NUDT16: variants seen among roughly 807,000 people sequenced by gnomAD.
The protein encoded by NUDT16 is nudix hydrolase 16, also known as U8 snoRNA-decapping enzyme.
A neutral mutation model predicts 11.7 loss-of-function variants in NUDT16; 12 were observed. The ratio of observed to expected loss-of-function variants is 1.03; its 90% CI spans 0.66 to 1.67. NUDT16 has a LOEUF of 1.67. NUDT16 is among the 40% of genes most tolerant of loss of function. The pLI is 0.00. For synonymous variants in NUDT16, 129 were observed against 122.6 expected, an observed-to-expected ratio of 1.05 and a Z score of -0.35; for missense variants, 303 against 268.9, an observed-to-expected ratio of 1.13 and a Z score of -0.89.
rs751998815 is a variant in NUDT16 at position 131,382,185 on chromosome 3, C to G, written c.278C>G (p.Thr93Ser). The change falls in exon 2 of 3, where the codon ACT becomes AGT. Residue 93 changes from threonine (T) to serine (S), a missense_variant. By Grantham distance (58) the Thr-to-Ser change is moderately conservative. Coordinates refer to ENST00000521288, the MANE Select transcript of NUDT16 (RefSeq NM_152395.3). ...EAAAAFRVER[T>S]DYRSSHVGSG... is the part of the protein sequence containing the mutation. ...GCTGCCGCTTTCCGCGTGGAGCGCACTGACTACCGCAGCTCCCACGTCGGG... is the reference window on the plus strand; with the variant it reads ...GCTGCCGCTTTCCGCGTGGAGCGCAGTGACTACCGCAGCTCCCACGTCGGG... 1 of 1,611,900 alleles carries G rather than the reference C, an allele frequency of 6.2e-7. No individual in the cohort carries two copies. The highest frequency in any genetic ancestry group is 1.3e-5 in the African/African-American group (1 of 74,932).
chr3:131,382,001 C>G (rs1380597759), intron 1 of NUDT16, 45 bp from the exon 2 acceptor site: 1 of 1,588,144 alleles, frequency 6.3e-7, no homozygotes, highest in East Asian at 2.2e-5. Flanking sequence ...CTCTGGTGGT[C>G]TCCTCTGGGG....
Position 131,387,692 on chromosome 3 carries a change from C to A in NUDT16, c.*4351C>A, listed in dbSNP as rs1324157337. 6.6e-6 allele frequency: 1 copy of A among 152,406 alleles called. No homozygotes were observed. Among genetic ancestry groups the A allele is most frequent in the African/African-American group, 2.4e-5 (1 of 41,448 alleles). 9.4% of individuals were successfully genotyped at this position (152,406 alleles called of 1,614,324 possible). On this transcript the variant is annotated 3_prime_UTR_variant, in exon 3 of 3. Coordinates refer to ENST00000521288, the MANE Select transcript of NUDT16 (RefSeq NM_152395.3). Reference sequence around the variant, plus strand: ...GAAAGCTCCTGGACTCAGCCAAGACCCTCACCTACAGTCCCAGTCCTCCCA... The same window carrying A: ...GAAAGCTCCTGGACTCAGCCAAGACACTCACCTACAGTCCCAGTCCTCCCA...
rs913069718 is a variant in NUDT16, at chr3:131,387,904, A to C, written c.*4563A>C. Reference sequence around the variant, plus strand: ...AATTGATTTAAGTAAACAGCAAGTAACATAGGTCTGTTAAATAGAAGAGGA... The same window carrying C: ...AATTGATTTAAGTAAACAGCAAGTACCATAGGTCTGTTAAATAGAAGAGGA... On this transcript the variant is annotated 3_prime_UTR_variant, in exon 3 of 3. Coordinates refer to ENST00000521288, the MANE Select transcript of NUDT16 (RefSeq NM_152395.3). The C allele has an allele frequency of 6.6e-6, 1 of 152,238 alleles. No individual in the cohort carries two copies. Among genetic ancestry groups the C allele is most frequent in the Non-Finnish European group, 1.5e-5 (1 of 68,048 alleles). 9.4% of individuals were successfully genotyped at this position (152,238 alleles called of 1,614,324 possible). A position where few individuals can be genotyped will look rare whatever the true frequency, so the allele number is the denominator to read the frequency against.
rs972195380 is a variant in NUDT16, at chr3:131,385,412, G to C, written c.*2071G>C. The C allele has an allele frequency of 6.6e-6, 1 of 152,542 alleles. No individual in the cohort carries two copies. The highest frequency in any genetic ancestry group is 1.5e-5 in the Non-Finnish European group (1 of 68,152). The allele number at this position is 152,542 out of a possible 1,614,324, so 9.4% of individuals were successfully genotyped here. On this transcript the variant is annotated 3_prime_UTR_variant, in exon 3 of 3. Coordinates refer to ENST00000521288, the MANE Select transcript of NUDT16 (RefSeq NM_152395.3). ...GTGCTGAAGCAAGAAACCGACAGAT[G>C]TTGAGGAGAATGGTGTGACCTAGGA...
At chr3:131,382,789 A>T in intron 2 of NUDT16, 600 of 973,016 alleles carry the variant, frequency 6.2e-4, no homozygotes, top group Middle Eastern at 1.0e-3. Context: ...GCATTCCTGC[A>T]TTGGTGGTGG....
rs1022895868 is a variant in NUDT16, at chr3:131,386,260, G to C, written c.*2919G>C. ...GACAGTCTCTGGGTAGGCAGGTGGG[G>C]GGTGATACAAGTTCACACTCTGTGT... On this transcript the variant is annotated 3_prime_UTR_variant, in exon 3 of 3. Transcript: ENST00000521288. The C allele has an allele frequency of 6.6e-6, 1 of 152,148 alleles. No homozygotes were observed. The highest frequency in any genetic ancestry group is 2.4e-5 in the African/African-American group (1 of 41,402). 9.4% of individuals were successfully genotyped at this position (152,148 alleles called of 1,614,324 possible).
At chr3:131,382,385 A>C (rs762470581) in intron 2 of NUDT16, 70 bp downstream of exon 2, 9 of 1,595,440 alleles carry the variant, frequency 5.6e-6, no homozygotes, top group Non-Finnish European at 7.7e-6. Context: ...TCCCCCAAGA[A>C]AGCATCCCTG....
intron 2 of NUDT16, 65 bp downstream of exon 2, chr3:131,382,380 C>G: frequency 6.2e-7 from 1 of 1,600,026 alleles, no homozygotes; most frequent in East Asian, 2.2e-5. Context: ...TTCTCTCCCC[C>G]AAGAAAGCAT....
chr3:131,382,212 C>G lies in NUDT16; in HGVS notation c.305C>G (p.Ser102Ter). ...GACTACCGCAGCTCCCACGTCGGGT[C>G]AGGGCCACGCGTTGTGGCCCACTTC... ...RTDYRSSHVG[S>*]GPRVVAHFYA... Residue 102 changes from serine to a stop codon, truncating the protein, a stop_gained, in exon 2 of 3, where the codon TCA (serine) becomes TGA (stop). Coordinates refer to ENST00000521288, the MANE Select transcript of NUDT16 (RefSeq NM_152395.3). LOFTEE classifies it high-confidence loss of function. The G allele has an allele frequency of 1.9e-6, 3 of 1,610,382 alleles. No individual in the cohort carries two copies. The highest frequency in any genetic ancestry group is 3.4e-5 in the Admixed American group (2 of 59,696).
rs746029308 is a variant in NUDT16, at chr3:131,382,060, C to G, written c.153C>G (p.Phe51Leu). The change falls in exon 2 of 3, where the codon TTC becomes TTG. Residue 51 changes from phenylalanine (F) to leucine (L), a missense_variant. Transcript: ENST00000521288. ...LRYAILMQMR[F>L]DGRLGFPGGF... ...CCCTCCCGCAGATGCAGATGCGCTT[C>G]GATGGACGCCTGGGCTTCCCCGGCG... 3.8e-6 allele frequency: 6 copies of G among 1,583,520 alleles called. No homozygotes were observed. In the East Asian group the frequency reaches 1.3e-4, roughly 36 times the overall value.
In NUDT16 at chr3:131,385,702, G is replaced by C. The variant is rs899014214; in HGVS notation, c.*2361G>C. On this transcript the variant is annotated 3_prime_UTR_variant, in exon 3 of 3. Transcript: ENST00000521288. ...AATTATCATCTCCTAATCTTACCCT[G>C]ACCCTTTTGTCAAACGTTATCTAGA... The C allele has an allele frequency of 6.6e-6, 1 of 152,224 alleles. No homozygotes were observed. Among genetic ancestry groups the C allele is most frequent in the Admixed American group, 6.5e-5 (1 of 15,288 alleles). The allele number at this position is 152,224 out of a possible 1,614,324, so 9.4% of individuals were successfully genotyped here.
In NUDT16 at chr3:131,383,392, G is replaced by C; in HGVS notation, c.*51G>C. 6.2e-7 allele frequency: 1 copy of C among 1,609,814 alleles called. No homozygotes were observed. The highest frequency in any genetic ancestry group is 8.5e-7 in the Non-Finnish European group (1 of 1,178,536). On this transcript the variant is annotated 3_prime_UTR_variant, in exon 3 of 3. Transcript: ENST00000521288. This position sits in a 1 kb window ranked among gnomAD's most constrained non-coding sequence, Gnocchi z 4.4. ...AACTGAGATGAGGACCTTGGTACTAGGGAGGGAGGGAAGGACGTGGGAATG... is the reference window on the plus strand; with the variant it reads ...AACTGAGATGAGGACCTTGGTACTACGGAGGGAGGGAAGGACGTGGGAATG...
rs1449484257 is a variant in NUDT16, at chr3:131,387,971, G to T, written c.*4630G>T. 1.3e-5 allele frequency: 2 copies of T among 152,222 alleles called. No individual in the cohort carries two copies. The highest frequency in any genetic ancestry group is 4.8e-5 in the African/African-American group (2 of 41,450). The allele number at this position is 152,222 out of a possible 1,614,324, so 9.4% of individuals were successfully genotyped here. A position where few individuals can be genotyped will look rare whatever the true frequency, so the allele number is the denominator to read the frequency against. ...ACGTGATAAAGACCATGCTCTGGAA[G>T]ATTCATTCCAAGGAGTAGAAGTGGT... On this transcript the variant is annotated 3_prime_UTR_variant, in exon 3 of 3. Transcript: ENST00000521288.
At chr3:131,382,720 CA>C (rs1238040291) in intron 2 of NUDT16, 8 of 1,394,336 alleles carry the variant, frequency 5.7e-6, no homozygotes, top group Non-Finnish European at 7.4e-6. Context: ...AGGTGGTTCT[CA>C]AAATTTGGCA....
In NUDT16 at chr3:131,384,014, C is replaced by T. The variant is rs1156952120; in HGVS notation, c.*673C>T. ...ACATGAGTCCTGTGAGGACTGGTGT[C>T]TCTCCTCTAGAGCTTTCATCTTTGG... On this transcript the variant is annotated 3_prime_UTR_variant, in exon 3 of 3. Transcript: ENST00000521288. 6.5e-6 allele frequency: 1 copy of T among 154,176 alleles called. No homozygotes were observed. The highest frequency in any genetic ancestry group is 1.4e-5 in the Non-Finnish European group (1 of 69,452). 9.6% of individuals were successfully genotyped at this position (154,176 alleles called of 1,614,324 possible).
rs1391843128 is a variant in NUDT16 at position 131,386,483 on chromosome 3, A to G, written c.*3142A>G. 1 of 152,256 alleles carries G rather than the reference A, an allele frequency of 6.6e-6. No individual in the cohort carries two copies. Among genetic ancestry groups the G allele is most frequent in the Non-Finnish European group, 1.5e-5 (1 of 68,100 alleles). 9.4% of individuals were successfully genotyped at this position (152,256 alleles called of 1,614,324 possible). A position where few individuals can be genotyped will look rare whatever the true frequency, so the allele number is the denominator to read the frequency against. On this transcript the variant is annotated 3_prime_UTR_variant, in exon 3 of 3. Transcript: ENST00000521288. ...CCCTTGACCTCCTTTTCCTTATCTG[A>G]AATGTTGCTGTGATTCCTGTGGTGA...
In NUDT16 at chr3:131,386,723, A is replaced by C. The variant is rs2097460148; in HGVS notation, c.*3382A>C. 1 of 152,212 alleles carries C rather than the reference A, an allele frequency of 6.6e-6. No homozygotes were observed. The highest frequency in any genetic ancestry group is 2.1e-4 in the South Asian group (1 of 4,836). 9.4% of individuals were successfully genotyped at this position (152,212 alleles called of 1,614,324 possible). A position where few individuals can be genotyped will look rare whatever the true frequency, so the allele number is the denominator to read the frequency against. On this transcript the variant is annotated 3_prime_UTR_variant, in exon 3 of 3. Coordinates refer to ENST00000521288, the MANE Select transcript of NUDT16 (RefSeq NM_152395.3). ...GCATTGCACTTTTCTGCTGGTGCAGAATAAAAACACTTTGAGCCCCACCCT... is the reference window on the plus strand; with the variant it reads ...GCATTGCACTTTTCTGCTGGTGCAGCATAAAAACACTTTGAGCCCCACCCT...
rs542727462 is a variant in NUDT16, at chr3:131,383,408, C to T, written c.*67C>T. Reference sequence around the variant, plus strand: ...TTGGTACTAGGGAGGGAGGGAAGGACGTGGGAATGTTTTCTTATTGGATCT... The same window carrying T: ...TTGGTACTAGGGAGGGAGGGAAGGATGTGGGAATGTTTTCTTATTGGATCT... On this transcript the variant is annotated 3_prime_UTR_variant, in exon 3 of 3. Transcript: ENST00000521288. The surrounding 1 kb of genome is among the most constrained non-coding windows in gnomAD (Gnocchi z 4.4). 366 of 1,597,108 alleles carry T rather than the reference C, an allele frequency of 2.3e-4. 3 individuals are homozygous for T. The South Asian group carries it at 3.1e-3, about 14-fold the overall frequency.
At position 131,385,819 on chromosome 3, in the gene NUDT16, C is replaced by G. The variant is rs1156431549; in HGVS notation, c.*2478C>G. On this transcript the variant is annotated 3_prime_UTR_variant, in exon 3 of 3. Transcript: ENST00000521288. Reference sequence around the variant, plus strand: ...AGCAGCTTCATCTGTGCTTTGTGCACTTGGTTCTCAGTCATCTCTGCAAGG... The same window carrying G: ...AGCAGCTTCATCTGTGCTTTGTGCAGTTGGTTCTCAGTCATCTCTGCAAGG... 1 of 152,256 alleles carries G rather than the reference C, an allele frequency of 6.6e-6. No homozygotes were observed. The highest frequency in any genetic ancestry group is 1.5e-5 in the Non-Finnish European group (1 of 68,082). The allele number at this position is 152,256 out of a possible 1,614,324, so 9.4% of individuals were successfully genotyped here. A position where few individuals can be genotyped will look rare whatever the true frequency, so the allele number is the denominator to read the frequency against.
Sources: gnomAD v4.1 joint callset for allele counts on GRCh38, gnomAD v4.1.1 for gene constraint, Gnocchi (gnomAD v3.1) non-coding constraint, MANE v1.5 for transcripts, NCBI Gene and HGNC (gene_info 2026-07-23, HGNC 2026-07-21) for gene names.